Variants in GRID1 observed in about 807,000 individuals in gnomAD.
GRID1 encodes the protein glutamate ionotropic receptor delta type subunit 1.
A neutral mutation model predicts 98.0 loss-of-function variants in GRID1; 28 were observed. The observed-to-expected ratio is 0.29, with a 90% CI of 0.21 to 0.39. GRID1 has a LOEUF of 0.39. GRID1 is among the 10% of genes least tolerant of loss of function. GRID1 has a pLI of 1.00. For missense variants in GRID1, 1,111 were observed against 1,340.5 expected, an observed-to-expected ratio of 0.83 and a Z score of 2.67; for synonymous variants, 553 against 538.5, an observed-to-expected ratio of 1.03 and a Z score of -0.37.
intron 3 of GRID1, among the ~76,000 whole-genome samples, chr10:86,187,040 C>T (rs760550402): frequency 6.6e-6 from 1 of 152,200 alleles, no homozygotes; most frequent in African/African-American, 2.4e-5. Context: ...CAAGGAAAGG[C>T]AGCCCCAAAT....
chr10:86,126,963 G>C (rs374918590), intron 4 of GRID1, among the ~76,000 whole-genome samples: 13 of 152,316 alleles, frequency 8.5e-5, no homozygotes, highest in African/African-American at 3.1e-4. Context: ...TGGCTGTCAC[G>C]CCAAAGGGTG....
chr10:86,249,819 A>G (rs997433178), intron 2 of GRID1, among the ~76,000 whole-genome samples: 5 of 152,326 alleles, frequency 3.3e-5, no homozygotes, highest in African/African-American at 1.2e-4. Context: ...TCTCCCCACA[A>G]TAGAACCTTC....
intron 4 of GRID1, among the ~76,000 whole-genome samples, chr10:85,923,137 CT>C (rs11323633): frequency 0.57 from 86,956 of 151,764 alleles, 25,456 homozygotes; most frequent in African/African-American, 0.7. Context: ...CCAGCCCCTC[CT>C]TGATGGTCAT....
At chr10:86,212,952 G>T (rs1348764887) in intron 2 of GRID1, among the ~76,000 whole-genome samples, 1 of 152,074 alleles carries the variant, frequency 6.6e-6, no homozygotes, top group African/African-American at 2.4e-5. Flanking sequence ...TAGAGCTCGG[G>T]CCCTGGAGTG....
At chr10:86,062,833 C>G (rs1044605826) in intron 4 of GRID1, among the ~76,000 whole-genome samples, 3 of 152,262 alleles carry the variant, frequency 2.0e-5, no homozygotes, top group African/African-American at 7.2e-5. Context: ...GTCCTGTGGC[C>G]GTGGCTGACC....
In GRID1 at chr10:86,366,338, G is replaced by A. The variant is rs1437510590; in HGVS notation, c.55C>T (p.Arg19Trp). Residue 19 changes from arginine to tryptophan, a missense_variant, in exon 1 of 16, where the codon CGG (arginine) becomes TGG (tryptophan). Coordinates refer to ENST00000327946, the MANE Select transcript of GRID1 (RefSeq NM_017551.3). The surrounding 1 kb of genome is among the most constrained non-coding windows in gnomAD (Gnocchi z 4.1). ...CCGATGTGGATGATGGAGTCGGCCC[G>A]CACCGACACGCACTGGCATATCCAG... Reference protein sequence around the residue: ...LPWICQCVSVRADSIIHIGAI... With the variant: ...LPWICQCVSVWADSIIHIGAI... 3.3e-6 allele frequency: 5 copies of A among 1,518,326 alleles called. No individual in the cohort carries two copies. Among genetic ancestry groups the A allele is most frequent in the African/African-American group, 2.9e-5 (2 of 69,952 alleles). 94.1% of individuals were successfully genotyped at this position (1,518,326 alleles called of 1,614,324 possible). A position where few individuals can be genotyped will look rare whatever the true frequency, so the allele number is the denominator to read the frequency against.
At chr10:85,687,282 T>C (rs1009196656) in intron 12 of GRID1, among the ~76,000 whole-genome samples, 2 of 152,176 alleles carry the variant, frequency 1.3e-5, no homozygotes, top group African/African-American at 2.4e-5. Flanking sequence ...AACAGGTTTA[T>C]AAGATGACAC....
At chr10:85,773,275 C>T (rs919672754) in intron 8 of GRID1, among the ~76,000 whole-genome samples, 3 of 152,086 alleles carry the variant, frequency 2.0e-5, no homozygotes, top group South Asian at 2.1e-4. Flanking sequence ...ATTCAACAAC[C>T]CTTCATGCTA....
At chr10:85,723,311 A>G (rs1296287046) in intron 11 of GRID1, among the ~76,000 whole-genome samples, 170 bp from the exon 12 acceptor site, 1 of 152,166 alleles carries the variant, frequency 6.6e-6, no homozygotes, top group Non-Finnish European at 1.5e-5. Context: ...CTGGGATAGG[A>G]TCCTAAAACC....
At chr10:86,236,061 C>G (rs925093321) in intron 2 of GRID1, among the ~76,000 whole-genome samples, 2 of 152,222 alleles carry the variant, frequency 1.3e-5, no homozygotes, top group Admixed American at 6.5e-5. Context: ...ACACTTGTTA[C>G]TGTCTTTTTT....
At chr10:86,089,379 A>C (rs1265486043) in intron 4 of GRID1, among the ~76,000 whole-genome samples, 2 of 117,128 alleles carry the variant, frequency 1.7e-5, no homozygotes, top group Non-Finnish European at 3.4e-5. Flanking sequence ...CCTGGACTTC[A>C]TTTGGAACCT....
At chr10:86,177,837 C>G (rs1159224799) in intron 3 of GRID1, among the ~76,000 whole-genome samples, 1 of 150,380 alleles carries the variant, frequency 6.6e-6, no homozygotes, top group East Asian at 1.9e-4. Flanking sequence ...GTGCACGAGA[C>G]AGACAGAGAC....
At chr10:86,281,159 C>T (rs1238506272) in intron 2 of GRID1, among the ~76,000 whole-genome samples, 1 of 152,124 alleles carries the variant, frequency 6.6e-6, no homozygotes, top group Admixed American at 6.5e-5. Flanking sequence ...GCAAAAGAAA[C>T]CATTGGTAAG....
chr10:86,241,755 G>A (rs978582266), intron 2 of GRID1, among the ~76,000 whole-genome samples: 4 of 152,116 alleles, frequency 2.6e-5, no homozygotes, highest in African/African-American at 9.7e-5. Flanking sequence ...TCAAAGTCCT[G>A]CTGAGACAAA....
At chr10:86,133,199 C>CATCACACATCACACATCACACA (rs1269232601) in intron 4 of GRID1, among the ~76,000 whole-genome samples, 3 of 152,202 alleles carry the variant, frequency 2.0e-5, no homozygotes, top group Non-Finnish European at 4.4e-5. Context: ...ATGTGTGGAT[C>CATCACACATCACACATCACACA]TGCACAGGTG....
At chr10:85,755,289 G>A (rs990881672) in intron 8 of GRID1, among the ~76,000 whole-genome samples, 1 of 152,222 alleles carries the variant, frequency 6.6e-6, no homozygotes, top group African/African-American at 2.4e-5. Flanking sequence ...ATGAGCTAAT[G>A]GAGCCTGCTC....
intron 8 of GRID1, among the ~76,000 whole-genome samples, chr10:85,810,664 C>G (rs570602215): frequency 6.6e-6 from 1 of 152,310 alleles, no homozygotes; most frequent in South Asian, 2.1e-4. Flanking sequence ...AAACCTGCCC[C>G]GGCCGACATG....
At chr10:86,357,650 C>T (rs1848550205) in intron 2 of GRID1, among the ~76,000 whole-genome samples, 1 of 152,138 alleles carries the variant, frequency 6.6e-6, no homozygotes, top group Non-Finnish European at 1.5e-5. Context: ...GTGTGTGTTG[C>T]ACATGCCTGT....
chr10:85,732,643 T>C (rs989282768), intron 8 of GRID1, among the ~76,000 whole-genome samples: 4 of 152,200 alleles, frequency 2.6e-5, no homozygotes, highest in African/African-American at 9.6e-5. Context: ...AGCTTTCTCA[T>C]TGGTTTCGCT....
Sources: allele counts gnomAD v4.1 joint callset (sites outside exome capture counted in the v4.1 genomes callset), GRCh38; gene constraint gnomAD v4.1.1; non-coding constraint Gnocchi (gnomAD v3.1); transcripts MANE v1.5; gene names NCBI Gene and HGNC (gene_info 2026-07-23, HGNC 2026-07-21).